The following PCYOX1 variants were observed in gnomAD, a reference collection of about 807,000 sequenced individuals.
PCYOX1 encodes the protein prenylcysteine oxidase 1, also known as prenylcysteine lyase.
PCYOX1 carries 46 observed loss-of-function variants against 46.4 expected under a neutral mutation model. The observed-to-expected ratio is 0.99, with a 90% CI of 0.78 to 1.27. The LOEUF (loss-of-function observed/expected upper bound fraction) is 1.27, where lower values mean the gene tolerates loss of function less well. Among genes scored for constraint, PCYOX1 ranks in the 50% most tolerant of loss-of-function variants. The pLI, the probability that PCYOX1 is intolerant of heterozygous loss-of-function variation, is 0.00. For missense variants in PCYOX1, 658 were observed against 628.3 expected (o/e 1.05, Z -0.51); for synonymous variants, 220 against 231.8 (o/e 0.95, Z 0.46).
At chr2:70,266,161 G>T (rs1308976379) in intron 3 of PCYOX1, among the ~76,000 whole-genome samples, 2 of 152,104 alleles carry the variant, frequency 1.3e-5, no homozygotes, top group Non-Finnish European at 2.9e-5. Flanking sequence ...TTGCAGATAT[G>T]GTTAAGGATG....
Position 70,261,249 on chromosome 2 carries a change from G to A in PCYOX1, c.357G>A (p.Gly119=), listed in dbSNP as rs1247525553. ...TTCAGGCCTCTGGTGGCCTACTGGGGATATATAATGGAGAGACTCTGGTAT... is the reference window on the plus strand; with the variant it reads ...TTCAGGCCTCTGGTGGCCTACTGGGAATATATAATGGAGAGACTCTGGTAT... ...SAVQASGGLL[G]IYNGETLVFE... is the part of the protein sequence containing the mutation. The change falls in exon 3 of 6, where the codon GGG becomes GGA. Residue 119 remains glycine (G), a synonymous_variant. Coordinates refer to ENST00000433351, the MANE Select transcript of PCYOX1 (RefSeq NM_016297.4). The A allele has an allele frequency of 6.2e-7, 1 of 1,611,886 alleles. No homozygotes were observed. The highest frequency in any genetic ancestry group is 8.5e-7 in the Non-Finnish European group (1 of 1,178,070).
intron 1 of PCYOX1, 144 bp from the exon 2 acceptor site, chr2:70,259,216 G>A (rs1196557573): frequency 2.9e-6 from 2 of 690,526 alleles, no homozygotes; most frequent in Admixed American, 2.5e-5. Context: ...TTAGACCTTC[G>A]CTGCAGGTGT....
intron 3 of PCYOX1, among the ~76,000 whole-genome samples, chr2:70,269,664 T>C (rs145279446): frequency 6.6e-6 from 1 of 152,240 alleles, no homozygotes; most frequent in East Asian, 1.9e-4. Flanking sequence ...TTGGTCAGCC[T>C]CTTGTAGTCT....
Position 70,261,390 on chromosome 2 carries a change from A to C in PCYOX1, c.494+4A>C. On this transcript the variant is annotated splice_donor_region_variant and intron_variant, in intron 3 of 5. Coordinates refer to ENST00000433351, the MANE Select transcript of PCYOX1 (RefSeq NM_016297.4). ...ACGTGTTAGACAAGTTCATGAGGTAATTTTTTTTCCTTCCATTTAACCTAA... is the reference window on the plus strand; with the variant it reads ...ACGTGTTAGACAAGTTCATGAGGTACTTTTTTTTCCTTCCATTTAACCTAA... 6.3e-7 allele frequency: 1 copy of C among 1,587,998 alleles called. No individual in the cohort carries two copies.
chr2:70,259,217 C>T (rs1393137991), intron 1 of PCYOX1, 143 bp from the exon 2 acceptor site: 1 of 699,690 alleles, frequency 1.4e-6, no homozygotes, highest in African/African-American at 1.8e-5. Flanking sequence ...TAGACCTTCG[C>T]TGCAGGTGTC....
intron 3 of PCYOX1, among the ~76,000 whole-genome samples, chr2:70,272,085 G>T (rs920730235): frequency 4.6e-5 from 7 of 151,058 alleles, no homozygotes; most frequent in Non-Finnish European, 5.9e-5. Flanking sequence ...TGGATATGGT[G>T]CATGATCAAT....
rs1696662712 is a variant in PCYOX1 at position 70,275,761 on chromosome 2, A to C, written c.859+95A>C. ...CTTCTGTCATCTCTTACTCAGTTCT[A>C]AAATGATGAAACTTGAAATTGTATA... On this transcript the variant is annotated intron_variant, in intron 5 of 5. Coordinates refer to ENST00000433351, the MANE Select transcript of PCYOX1 (RefSeq NM_016297.4). 1.6e-5 allele frequency: 19 copies of C among 1,170,034 alleles called. No homozygotes were observed. The South Asian group carries it at 2.6e-4, about 16-fold the overall frequency. The allele number at this position is 1,170,034 out of a possible 1,614,324, so 72.5% of individuals were successfully genotyped here.
At chr2:70,269,666 T>C (rs910143436) in intron 3 of PCYOX1, among the ~76,000 whole-genome samples, 1 of 152,162 alleles carries the variant, frequency 6.6e-6, no homozygotes, top group Admixed American at 6.5e-5. Flanking sequence ...GGTCAGCCTC[T>C]TGTAGTCTCT....
At chr2:70,274,563 T>C (rs1696643630) in intron 3 of PCYOX1, among the ~76,000 whole-genome samples, 1 of 149,176 alleles carries the variant, frequency 6.7e-6, no homozygotes, top group South Asian at 2.1e-4. Context: ...TTTCTTTTTT[T>C]TTTTCTTTTT....
rs1226428737 is a variant in PCYOX1 at position 70,278,690 on chromosome 2, A to G, written c.*1298A>G. The G allele has an allele frequency of 6.6e-6, 1 of 152,190 alleles. No individual in the cohort carries two copies. The highest frequency in any genetic ancestry group is 1.5e-5 in the Non-Finnish European group (1 of 68,034). 9.4% of individuals were successfully genotyped at this position (152,190 alleles called of 1,614,324 possible). A position where few individuals can be genotyped will look rare whatever the true frequency, so the allele number is the denominator to read the frequency against. On this transcript the variant is annotated 3_prime_UTR_variant, in exon 6 of 6. Coordinates refer to ENST00000433351, the MANE Select transcript of PCYOX1 (RefSeq NM_016297.4). ...AGACAGTGGTCTCAACCTTGGCTGCACATTGGAATCACCTGTAGGGTTTTA... is the reference window on the plus strand; with the variant it reads ...AGACAGTGGTCTCAACCTTGGCTGCGCATTGGAATCACCTGTAGGGTTTTA...
intron 3 of PCYOX1, among the ~76,000 whole-genome samples, chr2:70,263,104 C>G (rs958756354): frequency 6.6e-6 from 1 of 151,864 alleles, no homozygotes; most frequent in African/African-American, 2.4e-5. Flanking sequence ...CGTGGTGGTG[C>G]ATGCCTGTAA....
At chr2:70,269,809 G>A (rs1696576612) in intron 3 of PCYOX1, among the ~76,000 whole-genome samples, 1 of 152,116 alleles carries the variant, frequency 6.6e-6, no homozygotes. Flanking sequence ...ATAAAGACAA[G>A]CCTTCAGGAT....
chr2:70,267,941 GT>G (rs1330074147), intron 3 of PCYOX1, among the ~76,000 whole-genome samples: 2 of 152,052 alleles, frequency 1.3e-5, no homozygotes, highest in Non-Finnish European at 2.9e-5. Flanking sequence ...CTCCCGAGTA[GT>G]TGGGATCACA....
intron 3 of PCYOX1, among the ~76,000 whole-genome samples, chr2:70,267,654 C>T (rs542250408): frequency 1.6e-4 from 24 of 152,140 alleles, no homozygotes; most frequent in Admixed American, 5.9e-4. Context: ...TCAGGCGTGG[C>T]GGCGCGCGCC....
rs1386403298 is a variant in PCYOX1, at chr2:70,278,435, C to A, written c.*1043C>A. The A allele has an allele frequency of 1.3e-5, 2 of 152,608 alleles. No individual in the cohort carries two copies. Among genetic ancestry groups the A allele is most frequent in the African/African-American group, 4.8e-5 (2 of 41,416 alleles). The allele number at this position is 152,608 out of a possible 1,614,324, so 9.5% of individuals were successfully genotyped here. A position where few individuals can be genotyped will look rare whatever the true frequency, so the allele number is the denominator to read the frequency against. On this transcript the variant is annotated 3_prime_UTR_variant, in exon 6 of 6. Transcript: ENST00000433351. Reference sequence around the variant, plus strand: ...CAAAGCAGATCCATTTTGCAAGGATCTTTCTTTTAGAACTTTCTCAGTTCT... The same window carrying A: ...CAAAGCAGATCCATTTTGCAAGGATATTTCTTTTAGAACTTTCTCAGTTCT...
chr2:70,261,560 TA>T (rs1461215788), intron 3 of PCYOX1, among the ~76,000 whole-genome samples, 174 bp downstream of exon 3: 2 of 152,220 alleles, frequency 1.3e-5, no homozygotes, highest in Non-Finnish European at 2.9e-5. Context: ...TTTGCTTGGA[TA>T]TTGAAAGGTT....
At chr2:70,262,809 GT>G (rs540043140) in intron 3 of PCYOX1, among the ~76,000 whole-genome samples, 85 of 152,252 alleles carry the variant, frequency 5.6e-4, no homozygotes, top group African/African-American at 1.8e-3. Context: ...CTGCTTTACA[GT>G]TTTAGGTACT....
intron 3 of PCYOX1, among the ~76,000 whole-genome samples, chr2:70,273,221 C>T (rs899584049): frequency 6.6e-6 from 1 of 152,056 alleles, no homozygotes; most frequent in Non-Finnish European, 1.5e-5. Flanking sequence ...TGACCATTAG[C>T]CAAAGATCAC....
upstream of PCYOX1, chr2:70,258,111 A>G: frequency 1.4e-6 from 2 of 1,405,920 alleles, no homozygotes; most frequent in Non-Finnish European, 1.9e-6. Context: ...GCAGCCGCGC[A>G]GCGGTGGGAG....
Sources: gnomAD v4.1 joint callset for allele counts (sites outside exome capture counted in the v4.1 genomes callset) on GRCh38, gnomAD v4.1.1 for gene constraint, MANE v1.5 for transcripts, NCBI Gene and HGNC (gene_info 2026-07-23, HGNC 2026-07-21) for gene names.